The following COL11A1 variants were observed in gnomAD, a reference collection of about 807,000 sequenced individuals.
COL11A1 encodes collagen alpha-1(XI) chain.
Under a neutral mutation model 265.2 loss-of-function variants are expected in COL11A1, and 74 were observed. The ratio of observed to expected loss-of-function variants is 0.28; its 90% CI spans 0.23 to 0.34. COL11A1 has a LOEUF of 0.34. COL11A1 is among the 10% of genes least tolerant of loss of function. The pLI, the probability that COL11A1 is intolerant of heterozygous loss-of-function variation, is 1.00. For synonymous variants in COL11A1, 816 were observed against 727.6 expected (o/e 1.12, Z -1.96); for missense variants, 2,165 against 2,263.6 (o/e 0.96, Z 0.88).
chr1:102,995,531 A>G (rs1165718511), intron 28 of COL11A1, among the ~76,000 whole-genome samples: 1 of 152,062 alleles, frequency 6.6e-6, no homozygotes, highest in Non-Finnish European at 1.5e-5. Flanking sequence ...TATGCATCTA[A>G]CTAGATAACA....
chr1:102,978,820 A>T, intron 34 of COL11A1, 40 bp downstream of exon 34: 1 of 1,614,014 alleles, frequency 6.2e-7, no homozygotes, highest in Non-Finnish European at 8.5e-7. Flanking sequence ...TGGAAAAAAA[A>T]TCTACAGTAA....
chr1:102,905,374 A>C (rs561802707), intron 54 of COL11A1, among the ~76,000 whole-genome samples: 2 of 151,292 alleles, frequency 1.3e-5, no homozygotes, highest in East Asian at 3.9e-4. Flanking sequence ...AAAGTATAAT[A>C]ATAATAAAAT....
intron 1 of COL11A1, among the ~76,000 whole-genome samples, chr1:103,088,086 G>A (rs748613186): frequency 1.3e-5 from 2 of 152,040 alleles, no homozygotes; most frequent in Non-Finnish European, 2.9e-5. Flanking sequence ...CTCCCTTGTT[G>A]CCTTCACCAT....
At chr1:103,005,753 C>T in intron 18 of COL11A1, 85 bp downstream of exon 18, 2 of 1,510,866 alleles carry the variant, frequency 1.3e-6, no homozygotes, top group Non-Finnish European at 1.8e-6. Flanking sequence ...ATTAATTTTT[C>T]TTCTTTTTCT....
intron 46 of COL11A1, among the ~76,000 whole-genome samples, chr1:102,929,322 C>T (rs1570759542): frequency 2.0e-5 from 3 of 152,132 alleles, no homozygotes; most frequent in Middle Eastern, 3.4e-3. Flanking sequence ...CTAGCCAGTT[C>T]TCCCAGCACC....
chr1:103,047,522 C>G (rs1288364480), intron 4 of COL11A1, among the ~76,000 whole-genome samples: 1 of 152,142 alleles, frequency 6.6e-6, no homozygotes, highest in Non-Finnish European at 1.5e-5. Flanking sequence ...ATGGGGTTTT[C>G]TGGATATACA....
chr1:102,878,131 A>G lies in COL11A1; in HGVS notation c.5309T>C (p.Ile1770Thr). ...RKGYEKTVIE[I>T]NTPKIDQVPI... The stretch of plus-strand genomic sequence containing the variant: ...TACTTGATCAATTTTTGGTGTATTG[A>G]TTTCAATGACAGTCTTTTCATAGCC... The change falls in exon 67 of 67, where the codon ATC (isoleucine) becomes ACC (threonine). Residue 1770 changes from isoleucine to threonine, a missense_variant. By Grantham distance (89) the Ile-to-Thr change is moderately conservative. Coordinates refer to ENST00000370096, the MANE Select transcript of COL11A1 (RefSeq NM_001854.4). The G allele has an allele frequency of 6.2e-7, 1 of 1,613,192 alleles. No homozygotes were observed. Among genetic ancestry groups the G allele is most frequent in the East Asian group, 2.2e-5 (1 of 44,828 alleles).
At chr1:102,934,331 A>G (rs1391690876) in intron 46 of COL11A1, 118 bp downstream of exon 46, 2 of 705,578 alleles carry the variant, frequency 2.8e-6, no homozygotes, top group Non-Finnish European at 2.5e-6. Context: ...ATGGATAAAC[A>G]TTGTACCCAA....
chr1:102,906,009 T>C (rs1043031692), intron 54 of COL11A1, among the ~76,000 whole-genome samples: 3 of 152,160 alleles, frequency 2.0e-5, no homozygotes, highest in Non-Finnish European at 4.4e-5. Flanking sequence ...TTTTACTCCT[T>C]ATTTTATATT....
In COL11A1 at chr1:102,962,587, G is replaced by A. The variant is rs548781633; in HGVS notation, c.3024+66C>T. On this transcript the variant is annotated intron_variant, in intron 39 of 66. Coordinates refer to ENST00000370096, the MANE Select transcript of COL11A1 (RefSeq NM_001854.4). ...CATTTAAATGGAATCTGTAGACAAG[G>A]GGTGAGTATAGTTAAACATAAATTA... The A allele has an allele frequency of 3.6e-4, 474 of 1,308,930 alleles. 2 individuals carry two copies. The African/African-American group carries it at 5.8e-3, about 16-fold the overall frequency. The allele number at this position is 1,308,930 out of a possible 1,614,324, so 81.1% of individuals were successfully genotyped here.
At chr1:103,031,085 C>G in intron 5 of COL11A1, 31 bp downstream of exon 5, 1 of 1,611,734 alleles carries the variant, frequency 6.2e-7, no homozygotes, top group Non-Finnish European at 8.5e-7. Flanking sequence ...CACTGAAATA[C>G]GAAGACCTTC....
intron 63 of COL11A1, among the ~76,000 whole-genome samples, chr1:102,885,561 C>A (rs76726975): frequency 3.3e-5 from 5 of 151,988 alleles, no homozygotes; most frequent in African/African-American, 1.2e-4. Context: ...ACAAAAACAT[C>A]TATATTTTTT....
intron 1 of COL11A1, among the ~76,000 whole-genome samples, chr1:103,087,758 G>A (rs1571252517): frequency 6.6e-6 from 1 of 152,160 alleles, no homozygotes; most frequent in Non-Finnish European, 1.5e-5. Flanking sequence ...CCCTAAGCTG[G>A]GTTAGATCTG....
chr1:103,011,337 A>C (rs1305759884), intron 14 of COL11A1, among the ~76,000 whole-genome samples: 1 of 152,158 alleles, frequency 6.6e-6, no homozygotes, highest in Non-Finnish European at 1.5e-5. Flanking sequence ...AAGCATGATA[A>C]AATACATGAT....
At chr1:102,888,794 C>A (rs756869175) in intron 60 of COL11A1, 36 bp from the exon 61 acceptor site, 16 of 1,613,540 alleles carry the variant, frequency 9.9e-6, no homozygotes, top group Non-Finnish European at 1.4e-5. Flanking sequence ...AGATAAAAAT[C>A]TGGAGCATTT....
intron 36 of COL11A1, among the ~76,000 whole-genome samples, chr1:102,973,095 A>G (rs1570912168): frequency 6.6e-6 from 1 of 152,068 alleles, no homozygotes. Flanking sequence ...TTCTTTCTAT[A>G]TCAAACAGAT....
intron 29 of COL11A1, 50 bp downstream of exon 29, chr1:102,989,468 T>C (rs760190146): frequency 8.7e-7 from 1 of 1,148,590 alleles, no homozygotes; most frequent in Non-Finnish European, 1.2e-6. Flanking sequence ...GGAAAAAATA[T>C]ATATATATAT....
At chr1:103,058,183 G>C (rs995203699) in intron 4 of COL11A1, among the ~76,000 whole-genome samples, 1 of 152,140 alleles carries the variant, frequency 6.6e-6, no homozygotes, top group Non-Finnish European at 1.5e-5. Context: ...ATATTGTGAA[G>C]ACAACTTATT....
intron 35 of COL11A1, among the ~76,000 whole-genome samples, chr1:102,977,107 G>T (rs1662568580): frequency 6.6e-6 from 1 of 151,996 alleles, no homozygotes; most frequent in South Asian, 2.1e-4. Flanking sequence ...TAATCCAATG[G>T]TACTACAGAA....
Sources: allele counts gnomAD v4.1 joint callset (sites outside exome capture counted in the v4.1 genomes callset), GRCh38; gene constraint gnomAD v4.1.1; transcripts MANE v1.5; gene names NCBI Gene and HGNC (gene_info 2026-07-23, HGNC 2026-07-21).